Variants in PDK1 observed in about 807,000 individuals in gnomAD.
PDK1 encodes the protein pyruvate dehydrogenase kinase 1.
A neutral mutation model predicts 54.2 loss-of-function variants in PDK1; 39 were observed. The observed-to-expected ratio is 0.72, with a 90% CI of 0.56 to 0.94. The LOEUF (loss-of-function observed/expected upper bound fraction) is 0.94. Ranked by LOEUF, PDK1 falls within the 40% of genes least tolerant of loss-of-function variation. PDK1 has a pLI of 0.00. For synonymous variants in PDK1, 221 were observed against 207.1 expected, an observed-to-expected ratio of 1.07 and a Z score of -0.58; for missense variants, 552 against 566.0, an observed-to-expected ratio of 0.98 and a Z score of 0.25.
chr2:172,694,933 A>G, the PDK1 span, among the ~76,000 whole-genome samples: 2 of 152,132 alleles, frequency 1.3e-5, no homozygotes, highest in Non-Finnish European at 2.9e-5. Context: ...CCTGGCCAAC[A>G]TGGTGAAACC....
At chr2:172,646,735 C>CTTT in the PDK1 span, among the ~76,000 whole-genome samples, 24 of 72,050 alleles carry the variant, frequency 3.3e-4, 2 homozygotes, top group Admixed American at 1.3e-3. Context: ...CTTGCATTTC[C>CTTT]TTTTTTTTTT....
chr2:172,620,593 C>A, the PDK1 span, among the ~76,000 whole-genome samples: 1 of 152,152 alleles, frequency 6.6e-6, no homozygotes, highest in Non-Finnish European at 1.5e-5. Context: ...TTATAATCCG[C>A]AGTATTGGAA....
At chr2:172,650,041 T>G in the PDK1 span, among the ~76,000 whole-genome samples, 1 of 152,120 alleles carries the variant, frequency 6.6e-6, no homozygotes, top group African/African-American at 2.4e-5. Context: ...CATTGTCAGA[T>G]TCACCAAAGT....
At chr2:172,576,162 G>A (rs1041974255) in intron 8 of PDK1, among the ~76,000 whole-genome samples, 6 of 152,080 alleles carry the variant, frequency 3.9e-5, no homozygotes, top group African/African-American at 7.2e-5. Context: ...TCCTGACCTC[G>A]TGATCCACCT....
At chr2:172,625,079 G>A in the PDK1 span, among the ~76,000 whole-genome samples, 1 of 152,064 alleles carries the variant, frequency 6.6e-6, no homozygotes, top group Non-Finnish European at 1.5e-5. Flanking sequence ...ATGGAGATAT[G>A]AATGACTGTG....
At chr2:172,577,787 G>T (rs1689659062) in intron 8 of PDK1, among the ~76,000 whole-genome samples, 1 of 152,170 alleles carries the variant, frequency 6.6e-6, no homozygotes, top group African/African-American at 2.4e-5. Flanking sequence ...TTGTGTGCCT[G>T]TCTACAGAGA....
chr2:172,649,045 C>T, the PDK1 span, among the ~76,000 whole-genome samples: 1 of 152,208 alleles, frequency 6.6e-6, no homozygotes, highest in African/African-American at 2.4e-5. Context: ...TCAAGTGGGT[C>T]CCTGACCCCC....
rs1446679517 is a variant in PDK1, at chr2:172,597,575, G to A, written c.*1606G>A. 1.3e-5 allele frequency: 2 copies of A among 152,172 alleles called. No individual in the cohort carries two copies. Among genetic ancestry groups the A allele is most frequent in the South Asian group, 2.1e-4 (1 of 4,826 alleles). The allele number at this position is 152,172 out of a possible 1,614,324, so 9.4% of individuals were successfully genotyped here. A position where few individuals can be genotyped will look rare whatever the true frequency, so the allele number is the denominator to read the frequency against. ...ACTCTATTGGTCTTTGAAACAAAGC[G>A]ATACAGTGTAGGTGGTATCATTCTC... On this transcript the variant is annotated 3_prime_UTR_variant, in exon 11 of 11. Coordinates refer to ENST00000282077, the MANE Select transcript of PDK1 (RefSeq NM_002610.5).
At position 172,582,060 on chromosome 2, in the gene PDK1, G is replaced by A. The variant is rs188785895; in HGVS notation, c.946-4218G>A. Reference sequence around the variant, plus strand: ...CCCGAGTAGTGGGGATTACAGGCACGCACCACCATACCTGACTAATTTTTG... The same window carrying A: ...CCCGAGTAGTGGGGATTACAGGCACACACCACCATACCTGACTAATTTTTG... On this transcript the variant is annotated intron_variant, in intron 8 of 10. Coordinates refer to ENST00000282077, the MANE Select transcript of PDK1 (RefSeq NM_002610.5). Among the ~76,000 whole-genome samples the A allele has an allele frequency of 2.6e-3, 402 of 151,964 alleles. 1 individual carries two copies. Among genetic ancestry groups the A allele is most frequent in the African/African-American group, 9.0e-3 (375 of 41,442 alleles).
chr2:172,699,461 G>A, the PDK1 span, among the ~76,000 whole-genome samples: 1,076 of 146,678 alleles, frequency 7.3e-3, 11 homozygotes, highest in African/African-American at 0.025. Flanking sequence ...CTGATTTTGA[G>A]TACAGACCTC....
chr2:172,659,614 A>G, the PDK1 span, among the ~76,000 whole-genome samples: 10 of 152,256 alleles, frequency 6.6e-5, no homozygotes, highest in African/African-American at 2.4e-5. Flanking sequence ...TGCTAGGGGA[A>G]CCAATGTTTT....
intron 9 of PDK1, among the ~76,000 whole-genome samples, chr2:172,588,741 C>T (rs1310877115): frequency 1.3e-5 from 2 of 152,186 alleles, no homozygotes; most frequent in Admixed American, 1.3e-4. Context: ...GCTTTCTTGT[C>T]TACCTGGTTA....
rs765005051 is a variant in PDK1 at position 172,571,823 on chromosome 2, C to CGTTTTTTTTTTTTTTTTT, written c.945+999_945+1000insGTTTTTTTTTTTTTTTTT. ...CTCAGAGATTCTTAGTCTTTCTTTA[C>CGTTTTTTTTTTTTTTTTT]TTTTTTTTTTTTTTTTTTTTTTTTT... On this transcript the variant is annotated intron_variant, in intron 8 of 10. Coordinates refer to ENST00000282077, the MANE Select transcript of PDK1 (RefSeq NM_002610.5). Among the ~76,000 whole-genome samples, 7 of 99,784 alleles carry CGTTTTTTTTTTTTTTTTT rather than the reference C, an allele frequency of 7.0e-5. 2 individuals carry two copies. Among genetic ancestry groups the CGTTTTTTTTTTTTTTTTT allele is most frequent in the African/African-American group, 1.6e-4 (4 of 25,584 alleles). 65.5% of individuals were successfully genotyped at this position (99,784 alleles called of 152,430 possible). A position where few individuals can be genotyped will look rare whatever the true frequency, so the allele number is the denominator to read the frequency against.
At chr2:172,612,646 T>A (rs758404760), downstream of PDK1, among the ~76,000 whole-genome samples, 3 of 152,174 alleles carry the variant, frequency 2.0e-5, no homozygotes, top group Non-Finnish European at 4.4e-5. Context: ...TACATGCATG[T>A]CAGTGAAAGA....
chr2:172,564,784 GT>G, intron 4 of PDK1, 97 bp downstream of exon 4: 1 of 1,161,278 alleles, frequency 8.6e-7, no homozygotes, highest in Non-Finnish European at 1.2e-6. Flanking sequence ...AGGAAATTTA[GT>G]TTTACCTTTT....
At chr2:172,668,894 C>CACACACACACAT in the PDK1 span, among the ~76,000 whole-genome samples, 1 of 113,190 alleles carries the variant, frequency 8.8e-6, no homozygotes, top group Non-Finnish European at 1.8e-5. Context: ...CACACACACA[C>CACACACACACAT]ATATATATAT....
At chr2:172,716,944 C>A in the PDK1 span, among the ~76,000 whole-genome samples, 1 of 152,104 alleles carries the variant, frequency 6.6e-6, no homozygotes, top group African/African-American at 2.4e-5. Context: ...CCCTTACAGT[C>A]CAATAAAATT....
rs950577556 is a variant in PDK1, at chr2:172,583,835, A to G, written c.946-2443A>G. Among the ~76,000 whole-genome samples the G allele has an allele frequency of 3.0e-4, 45 of 152,260 alleles. 1 individual carries two copies. Among genetic ancestry groups the G allele is most frequent in the Admixed American group, 2.6e-4 (4 of 15,290 alleles). Reference sequence around the variant, plus strand: ...TGACTTTTAATACATATTATTCAGTACTATTTTAATCTATATATACATAAA... The same window carrying G: ...TGACTTTTAATACATATTATTCAGTGCTATTTTAATCTATATATACATAAA... On this transcript the variant is annotated intron_variant, in intron 8 of 10. Transcript: ENST00000282077.
the PDK1 span, among the ~76,000 whole-genome samples, chr2:172,678,573 A>T: frequency 0.038 from 5,715 of 152,268 alleles, 246 homozygotes; most frequent in East Asian, 0.2. Context: ...ACATTGCCTA[A>T]TGCTTTTTGA....
Sources: allele counts gnomAD v4.1 joint callset (sites outside exome capture counted in the v4.1 genomes callset), GRCh38; gene constraint gnomAD v4.1.1; transcripts MANE v1.5; gene names NCBI Gene and HGNC (gene_info 2026-07-23, HGNC 2026-07-21).